TBL1X: variants seen among roughly 807,000 people sequenced by gnomAD.
TBL1X encodes F-box-like/WD repeat-containing protein TBL1X.
In TBL1X, 10 loss-of-function variants were observed where a neutral mutation model predicts 50.7. That is an observed-to-expected ratio of 0.20 (90% CI 0.12 to 0.33). The LOEUF is 0.33. Ranked by LOEUF, TBL1X falls within the 10% of genes least tolerant of loss-of-function variation. The pLI, the probability that TBL1X is intolerant of heterozygous loss-of-function variation, is 1.00. For synonymous variants in TBL1X, 190 were observed against 214.7 expected (o/e 0.88, Z 1.01); for missense variants, 340 against 504.4 (o/e 0.67, Z 3.12).
chrX:9,493,025 A>G (rs1361876030), intron 1 of TBL1X, among the ~76,000 whole-genome samples: 3 of 110,931 alleles, frequency 2.7e-5, no homozygotes, highest in East Asian at 5.7e-4. Context: ...GTGCATTGCT[A>G]TGTGACTGGG....
chrX:9,593,839 A>G (rs56726218), intron 2 of TBL1X, among the ~76,000 whole-genome samples: 1 of 110,464 alleles, frequency 9.1e-6, no homozygotes, highest in Non-Finnish European at 1.9e-5. Flanking sequence ...GCCTACCTGG[A>G]TCTCCTCTCC....
At chrX:9,647,126 C>T (rs2082808868) in intron 3 of TBL1X, among the ~76,000 whole-genome samples, 1 of 111,873 alleles carries the variant, frequency 8.9e-6, no homozygotes, top group Admixed American at 9.5e-5. Flanking sequence ...GCCATTTCTC[C>T]TGGGACCGAA....
intron 5 of TBL1X, among the ~76,000 whole-genome samples, chrX:9,681,510 G>T (rs2083025461): frequency 8.9e-6 from 1 of 112,487 alleles, no homozygotes; most frequent in Non-Finnish European, 1.9e-5. Context: ...CCCAGGTTTG[G>T]TTGAAGATGG....
chrX:9,555,645 A>G (rs1221888029), intron 2 of TBL1X, among the ~76,000 whole-genome samples: 1 of 111,634 alleles, frequency 9.0e-6, no homozygotes, highest in Non-Finnish European at 1.9e-5. Context: ...TGGCTGCAGC[A>G]TTTCACATTC....
intron 2 of TBL1X, among the ~76,000 whole-genome samples, chrX:9,588,254 C>G (rs768218005): frequency 1.8e-4 from 20 of 111,393 alleles, no homozygotes; most frequent in Admixed American, 5.7e-4. Flanking sequence ...ATCTAAGGGA[C>G]TGGAGGATAC....
At chrX:9,573,642 C>T (rs191066432) in intron 2 of TBL1X, among the ~76,000 whole-genome samples, 56 of 112,505 alleles carry the variant, frequency 5.0e-4, no homozygotes, top group African/African-American at 1.6e-3. Context: ...AATACCTCAC[C>T]GTGCCAGGGA....
intron 5 of TBL1X, among the ~76,000 whole-genome samples, chrX:9,655,110 C>T (rs887101908): frequency 4.5e-5 from 5 of 111,523 alleles, no homozygotes; most frequent in African/African-American, 9.8e-5. Context: ...GTTATCTCCA[C>T]GTGTTTATTA....
intron 5 of TBL1X, among the ~76,000 whole-genome samples, chrX:9,664,751 T>C (rs2082917286): frequency 9.0e-6 from 1 of 111,650 alleles, no homozygotes; most frequent in Non-Finnish European, 1.9e-5. Context: ...CCACAACATA[T>C]AATGCATTAA....
intron 2 of TBL1X, among the ~76,000 whole-genome samples, chrX:9,594,728 CAG>C (rs777105081): frequency 8.0e-5 from 9 of 112,367 alleles, no homozygotes; most frequent in Middle Eastern, 4.6e-3. Context: ...TTAGGGAAGA[CAG>C]GGGGCTGATA....
intron 2 of TBL1X, among the ~76,000 whole-genome samples, chrX:9,544,460 T>C (rs1286261306): frequency 3.6e-5 from 4 of 110,923 alleles, no homozygotes; most frequent in Non-Finnish European, 7.6e-5. Flanking sequence ...CTAGACGGCG[T>C]GGTACAAATG....
intron 5 of TBL1X, among the ~76,000 whole-genome samples, chrX:9,663,885 G>T (rs754371969): frequency 5.4e-5 from 6 of 111,271 alleles, no homozygotes; most frequent in African/African-American, 2.0e-4. Flanking sequence ...TCTGGAGTAG[G>T]GATGGGAGCA....
chrX:9,500,077 G>A (rs1317259109), intron 1 of TBL1X, among the ~76,000 whole-genome samples: 2 of 108,753 alleles, frequency 1.8e-5, no homozygotes, highest in Non-Finnish European at 3.8e-5. Context: ...TTGAGCCCAG[G>A]AGTTCGAGAT....
At chrX:9,631,469 T>C (rs1302863295) in intron 2 of TBL1X, among the ~76,000 whole-genome samples, 1 of 112,651 alleles carries the variant, frequency 8.9e-6, no homozygotes, top group East Asian at 2.8e-4. Context: ...TTTGTGACTA[T>C]ACTTCACAGT....
At chrX:9,628,809 A>G (rs1319487922) in intron 2 of TBL1X, among the ~76,000 whole-genome samples, 1 of 112,038 alleles carries the variant, frequency 8.9e-6, no homozygotes, top group East Asian at 2.8e-4. Flanking sequence ...TGGCCTCCCA[A>G]AGTGCTGGGA....
chrX:9,553,033 C>T (rs1454388398), intron 2 of TBL1X, among the ~76,000 whole-genome samples: 2 of 111,377 alleles, frequency 1.8e-5, no homozygotes, highest in Non-Finnish European at 3.8e-5. Flanking sequence ...GTCCCAGCTA[C>T]TCAGGATGCT....
At chrX:9,587,810 C>T (rs977861621) in intron 2 of TBL1X, among the ~76,000 whole-genome samples, 1 of 97,406 alleles carries the variant, frequency 1.0e-5, no homozygotes, top group Non-Finnish European at 2.1e-5. Context: ...ACCCCACCCC[C>T]ACCCCTGCCA....
At chrX:9,655,959 C>T (rs1239035573) in intron 5 of TBL1X, among the ~76,000 whole-genome samples, 2 of 112,843 alleles carry the variant, frequency 1.8e-5, no homozygotes, top group Admixed American at 1.9e-4. Context: ...CCATCCAAGC[C>T]TGGGTCTCTG....
At chrX:9,570,033 A>C (rs1436644562) in intron 2 of TBL1X, among the ~76,000 whole-genome samples, 2 of 111,945 alleles carry the variant, frequency 1.8e-5, no homozygotes, top group Non-Finnish European at 3.8e-5. Context: ...ATTAAAACCC[A>C]GGAAGTTTCA....
At chrX:9,595,540 G>A (rs963384145) in intron 2 of TBL1X, among the ~76,000 whole-genome samples, 9 of 111,904 alleles carry the variant, frequency 8.0e-5, no homozygotes, top group African/African-American at 2.9e-4. Flanking sequence ...GTCGGCTTGC[G>A]TGGCTCCTGA....
Sources: gnomAD v4.1 joint callset for allele counts (sites outside exome capture counted in the v4.1 genomes callset) on GRCh38, gnomAD v4.1.1 for gene constraint, MANE v1.5 for transcripts, NCBI Gene and HGNC (gene_info 2026-07-23, HGNC 2026-07-21) for gene names.